The following PAX7 variants were observed in gnomAD, a reference collection of about 807,000 sequenced individuals.
PAX7 encodes paired box protein Pax-7.
A neutral mutation model predicts 50.7 loss-of-function variants in PAX7; 18 were observed. The ratio of observed to expected loss-of-function variants is 0.36; its 90% CI spans 0.25 to 0.53. PAX7 has a LOEUF of 0.53. Among genes scored for constraint, PAX7 ranks in the 20% least tolerant of loss-of-function variants. The pLI is 0.93. For missense variants in PAX7, 644 were observed against 702.9 expected (o/e 0.92, Z 0.95); for synonymous variants, 310 against 290.4 (o/e 1.07, Z -0.69).
In PAX7 at chr1:18,691,347, A is replaced by G. The variant is rs558038002; in HGVS notation, c.587-407A>G. The stretch of plus-strand genomic sequence containing the variant: ...CAGTAAAATTCTGTCCTTTTAACTG[A>G]GAATACAGCTCTACGGATTTTGTCA... On this transcript the variant is annotated intron_variant, in intron 4 of 8. Transcript: ENST00000420770. Among the ~76,000 whole-genome samples, 9 of 152,336 alleles carry G rather than the reference A, an allele frequency of 5.9e-5. No homozygotes were observed. The South Asian group carries it at 1.9e-3, about 32-fold the overall frequency.
chr1:18,684,772 T>C (rs1260484047), intron 4 of PAX7, among the ~76,000 whole-genome samples: 1 of 152,192 alleles, frequency 6.6e-6, no homozygotes, highest in Non-Finnish European at 1.5e-5. Context: ...CCGGGGCCTA[T>C]GTTAAACTGT....
At chr1:18,676,107 C>A (rs984357944) in intron 4 of PAX7, among the ~76,000 whole-genome samples, 7 of 152,188 alleles carry the variant, frequency 4.6e-5, no homozygotes, top group African/African-American at 1.7e-4. Context: ...TGGTCCAGTG[C>A]CTCAAAAATC....
At chr1:18,737,245 A>G (rs1275574706) in intron 8 of PAX7, among the ~76,000 whole-genome samples, 1 of 152,230 alleles carries the variant, frequency 6.6e-6, no homozygotes, top group African/African-American at 2.4e-5. Flanking sequence ...GGCGTGTGGC[A>G]AGAGGGTGAG....
rs72937278 is a variant in PAX7, at chr1:18,635,058, T to C, written c.322-53T>C. 0.014 allele frequency: 21,761 copies of C among 1,598,532 alleles called. 1,569 individuals are homozygous for C. The African/African-American group carries it at 0.2, about 15-fold the overall frequency. On this transcript the variant is annotated intron_variant, in intron 2 of 8. Coordinates refer to ENST00000420770, the MANE Select transcript of PAX7 (RefSeq NM_001135254.2). ...TTAAGAGGTGATATTAAAAGTATTT[T>C]CCTCCCCCCATCCCATCTTTCCACT...
intron 4 of PAX7, among the ~76,000 whole-genome samples, chr1:18,642,833 A>G (rs2088277038): frequency 6.6e-6 from 1 of 152,106 alleles, no homozygotes; most frequent in African/African-American, 2.4e-5. Context: ...AGATGTCTCC[A>G]AAACTTCAAA....
Position 18,636,135 on chromosome 1 carries a change from A to C in PAX7, c.452-102A>C, listed in dbSNP as rs2088151343. The stretch of plus-strand genomic sequence containing the variant: ...GAAGAGGGATGAATGGATATCTGTA[A>C]GGAAGCAGGGGGCTTCCTGACTTTC... On this transcript the variant is annotated intron_variant, in intron 3 of 8. Coordinates refer to ENST00000420770, the MANE Select transcript of PAX7 (RefSeq NM_001135254.2). This position sits in a 1 kb window ranked among gnomAD's most constrained non-coding sequence, Gnocchi z 5.1. 1 of 1,214,392 alleles carries C rather than the reference A, an allele frequency of 8.2e-7. No homozygotes were observed. Among genetic ancestry groups the C allele is most frequent in the Non-Finnish European group, 1.2e-6 (1 of 847,106 alleles). 75.2% of individuals were successfully genotyped at this position (1,214,392 alleles called of 1,614,324 possible). A position where few individuals can be genotyped will look rare whatever the true frequency, so the allele number is the denominator to read the frequency against.
intron 4 of PAX7, among the ~76,000 whole-genome samples, chr1:18,645,924 G>C (rs1456225743): frequency 6.6e-6 from 1 of 152,218 alleles, no homozygotes; most frequent in Non-Finnish European, 1.5e-5. Context: ...CACCTGGCAA[G>C]GCGCTTTCCC....
chr1:18,662,139 G>T (rs1024490762), intron 4 of PAX7, among the ~76,000 whole-genome samples: 1 of 151,992 alleles, frequency 6.6e-6, no homozygotes, highest in African/African-American at 2.4e-5. Flanking sequence ...GGGGGGTTGA[G>T]GGGGGCGAGG....
chr1:18,681,119 A>G (rs2088892656), intron 4 of PAX7, among the ~76,000 whole-genome samples: 1 of 137,402 alleles, frequency 7.3e-6, no homozygotes, highest in South Asian at 2.5e-4. Flanking sequence ...GTGAGCTGAG[A>G]TTGTACCATT....
intron 7 of PAX7, among the ~76,000 whole-genome samples, chr1:18,720,649 G>A (rs1433670335): frequency 6.6e-6 from 1 of 151,900 alleles, no homozygotes; most frequent in African/African-American, 2.4e-5. Context: ...AAAGAAGGGA[G>A]GTGGGTGTGG....
chr1:18,656,134 T>C (rs1343765915), intron 4 of PAX7, among the ~76,000 whole-genome samples: 1 of 152,228 alleles, frequency 6.6e-6, no homozygotes, highest in Non-Finnish European at 1.5e-5. Flanking sequence ...TAACAATGCC[T>C]GGTGCATTTT....
intron 7 of PAX7, among the ~76,000 whole-genome samples, chr1:18,731,198 T>C (rs1295747821): frequency 6.6e-6 from 1 of 152,192 alleles, no homozygotes; most frequent in Non-Finnish European, 1.5e-5. Flanking sequence ...GTTGAAAAGT[T>C]TGCAGGCTCC....
At chr1:18,719,643 T>A (rs1189488061) in intron 7 of PAX7, among the ~76,000 whole-genome samples, 1 of 152,194 alleles carries the variant, frequency 6.6e-6, no homozygotes, top group African/African-American at 2.4e-5. Context: ...TTCCGGAGCC[T>A]CCCCGGCAAG....
intron 7 of PAX7, among the ~76,000 whole-genome samples, chr1:18,725,423 C>A (rs572113273): frequency 6.6e-6 from 1 of 152,052 alleles, no homozygotes; most frequent in Non-Finnish European, 1.5e-5. Flanking sequence ...CCTCTCCTTC[C>A]TCCCGCCTGC....
At chr1:18,637,602 T>C (rs1174347415) in intron 4 of PAX7, among the ~76,000 whole-genome samples, 3 of 152,094 alleles carry the variant, frequency 2.0e-5, no homozygotes, top group Non-Finnish European at 4.4e-5. Flanking sequence ...CTAGCCCAGG[T>C]CTCTCTCCAG....
intron 5 of PAX7, among the ~76,000 whole-genome samples, chr1:18,692,541 C>T (rs949118261): frequency 7.4e-6 from 1 of 134,844 alleles, no homozygotes; most frequent in African/African-American, 2.8e-5. Context: ...GACTCCATCT[C>T]ACAAAAAGAA....
At chr1:18,699,878 G>A (rs575800530) in intron 5 of PAX7, among the ~76,000 whole-genome samples, 3 of 152,178 alleles carry the variant, frequency 2.0e-5, no homozygotes, top group South Asian at 2.1e-4. Flanking sequence ...TTTTAAGTTT[G>A]AACCTCAGCT....
At chr1:18,661,451 G>C (rs1310514828) in intron 4 of PAX7, among the ~76,000 whole-genome samples, 2 of 152,164 alleles carry the variant, frequency 1.3e-5, no homozygotes, top group Non-Finnish European at 2.9e-5. Flanking sequence ...TCCTTGATGG[G>C]CATGCAGAGG....
At chr1:18,697,366 G>A (rs903553849) in intron 5 of PAX7, among the ~76,000 whole-genome samples, 5 of 152,298 alleles carry the variant, frequency 3.3e-5, no homozygotes, top group Admixed American at 6.5e-5. Context: ...CAGCTCATAC[G>A]AGACGCTGGC....
Sources: gnomAD v4.1 joint callset for allele counts (sites outside exome capture counted in the v4.1 genomes callset) on GRCh38, gnomAD v4.1.1 for gene constraint, Gnocchi (gnomAD v3.1) non-coding constraint, MANE v1.5 for transcripts, NCBI Gene and HGNC (gene_info 2026-07-23, HGNC 2026-07-21) for gene names.